The following HESX1 variants were observed in gnomAD, a reference collection of about 807,000 sequenced individuals.
HESX1 encodes HESX homeobox 1.
HESX1 carries 11 observed loss-of-function variants against 22.5 expected under a neutral mutation model. That is an observed-to-expected ratio of 0.49 (90% CI 0.31 to 0.81). The LOEUF (loss-of-function observed/expected upper bound fraction) is 0.81, where lower values mean the gene tolerates loss of function less well. Among genes scored for constraint, HESX1 ranks in the 30% least tolerant of loss-of-function variants. HESX1 has a pLI of 0.05. For synonymous variants in HESX1, 74 were observed against 76.5 expected, an observed-to-expected ratio of 0.97 and a Z score of 0.17; for missense variants, 201 against 212.6, an observed-to-expected ratio of 0.95 and a Z score of 0.34.
At chr3:57,227,544 C>G (rs935826598), upstream of HESX1, among the ~76,000 whole-genome samples, 41 of 152,252 alleles carry the variant, frequency 2.7e-4, 1 homozygote, top group Non-Finnish European at 1.5e-4. Flanking sequence ...CAAACGCGCG[C>G]GTGCAGGGAA....
chr3:57,198,861 T>C lies in HESX1; in HGVS notation c.249A>G (p.Arg83=). The change falls in exon 2 of 4, where the codon AGA becomes AGG. Residue 83 remains arginine (R), a synonymous_variant. Transcript: ENST00000295934. ...AAAAGTAATTTTCATATTTCGAAGC[T>C]CTTTCTTCTGGCATTGGGTGATCCA... ...SVVDHPMPEE[R]ASKYENYFSA... is the part of the protein sequence containing the mutation. 1 of 1,614,162 alleles carries C rather than the reference T, an allele frequency of 6.2e-7. No individual in the cohort carries two copies. Among genetic ancestry groups the C allele is most frequent in the Non-Finnish European group, 8.5e-7 (1 of 1,180,014 alleles).
chr3:57,209,521 C>T (rs927284389), intron 1 of HESX1, among the ~76,000 whole-genome samples: 1 of 151,670 alleles, frequency 6.6e-6, no homozygotes, highest in Non-Finnish European at 1.5e-5. Context: ...CTTGTAGTAC[C>T]ATCTACTTGG....
At chr3:57,213,689 G>T (rs2060568392) in intron 1 of HESX1, among the ~76,000 whole-genome samples, 2 of 152,216 alleles carry the variant, frequency 1.3e-5, no homozygotes, top group Admixed American at 1.3e-4. Flanking sequence ...CACTTTGGGA[G>T]GTCGAGGCAG....
chr3:57,208,423 T>C (rs1363305951), intron 1 of HESX1, among the ~76,000 whole-genome samples: 1 of 152,084 alleles, frequency 6.6e-6, no homozygotes, highest in Non-Finnish European at 1.5e-5. Flanking sequence ...CTCAACTCAC[T>C]GCAGCCTCTG....
At chr3:57,201,379 T>TG (rs1178950826), upstream of HESX1, among the ~76,000 whole-genome samples, 1 of 151,822 alleles carries the variant, frequency 6.6e-6, no homozygotes, top group Non-Finnish European at 1.5e-5. Context: ...TGTGCAAAGG[T>TG]GGGGGGTATC....
chr3:57,207,132 A>G (rs2060524273), intron 1 of HESX1, among the ~76,000 whole-genome samples: 1 of 152,096 alleles, frequency 6.6e-6, no homozygotes, highest in Non-Finnish European at 1.5e-5. Context: ...TATTTTTAGT[A>G]GAGATGTGGT....
In HESX1 at chr3:57,199,939, G is replaced by GCAA; in HGVS notation, c.-24_-22dup. 6.2e-7 allele frequency: 1 copy of GCAA among 1,612,876 alleles called. No homozygotes were observed. Among genetic ancestry groups the GCAA allele is most frequent in the Non-Finnish European group, 8.5e-7 (1 of 1,179,306 alleles). ...GACATCCTCTCGTGGTCTGCACAGA[G>GCAA]CAACAGCTCTGGCCTCTGCTGGCTC... On this transcript the variant is annotated 5_prime_UTR_variant, in exon 1 of 4. Transcript: ENST00000295934.
intron 1 of HESX1, among the ~76,000 whole-genome samples, chr3:57,225,059 A>C (rs1442439987): frequency 6.6e-6 from 1 of 152,224 alleles, no homozygotes; most frequent in Non-Finnish European, 1.5e-5. Flanking sequence ...GTATGAAAGA[A>C]AACTGGCTTA....
intron 1 of HESX1, among the ~76,000 whole-genome samples, chr3:57,211,650 T>C (rs1169394352): frequency 1.3e-5 from 2 of 149,324 alleles, no homozygotes; most frequent in East Asian, 4.0e-4. Context: ...CTGGCCAACA[T>C]GGTGAAACCC....
intron 1 of HESX1, among the ~76,000 whole-genome samples, chr3:57,208,467 C>T (rs2060532786): frequency 6.6e-6 from 1 of 151,916 alleles, no homozygotes; most frequent in Non-Finnish European, 1.5e-5. Context: ...CTGCCTCAGC[C>T]TCCCTAGCAG....
rs2060472755 is a variant in HESX1, at chr3:57,199,708, T to TTTCA, written c.157+53_157+54insTGAA. 3 of 1,548,662 alleles carry TTTCA rather than the reference T, an allele frequency of 1.9e-6. No individual in the cohort carries two copies. The African/African-American group carries it at 4.1e-5, about 21-fold the overall frequency. ...TATGTAGTATGAAATAAAGGGCAAA[T>TTTCA]TAAACACTGTAAATGAAATAACAAA... On this transcript the variant is annotated intron_variant, in intron 1 of 3. Coordinates refer to ENST00000295934, the MANE Select transcript of HESX1 (RefSeq NM_003865.3).
At chr3:57,213,470 G>A (rs2060566984) in intron 1 of HESX1, among the ~76,000 whole-genome samples, 1 of 152,134 alleles carries the variant, frequency 6.6e-6, no homozygotes, top group Non-Finnish European at 1.5e-5. Context: ...AACATTCAAA[G>A]ATAAAATGGT....
chr3:57,212,734 C>T (rs541455192), intron 1 of HESX1, among the ~76,000 whole-genome samples: 46 of 152,218 alleles, frequency 3.0e-4, no homozygotes, highest in African/African-American at 1.0e-3. Context: ...AACAATGTAG[C>T]GTTTCTCCTG....
upstream of HESX1, among the ~76,000 whole-genome samples, chr3:57,201,401 C>T (rs745600295): frequency 6.6e-6 from 1 of 151,836 alleles, no homozygotes; most frequent in Non-Finnish European, 1.5e-5. Flanking sequence ...TAATCTGGGA[C>T]GACTAGGAGG....
chr3:57,207,653 G>A (rs924669201), intron 1 of HESX1, among the ~76,000 whole-genome samples: 2 of 152,050 alleles, frequency 1.3e-5, no homozygotes, highest in Non-Finnish European at 2.9e-5. Flanking sequence ...ATTCAGATAT[G>A]GGAGTTAACA....
Position 57,199,928 on chromosome 3 carries a change from G to A in HESX1, c.-10C>T, listed in dbSNP as rs903371208. The A allele has an allele frequency of 3.1e-6, 5 of 1,613,504 alleles. No individual in the cohort carries two copies. The highest frequency in any genetic ancestry group is 4.2e-6 in the Non-Finnish European group (5 of 1,179,738). On this transcript the variant is annotated 5_prime_UTR_variant, in exon 1 of 4. Transcript: ENST00000295934. ...GAAGGCTGGGAGACATCCTCTCGTG[G>A]TCTGCACAGAGCAACAGCTCTGGCC... is the stretch of plus-strand genomic sequence containing the variant.
At chr3:57,203,841 T>A (rs1253187843), upstream of HESX1, among the ~76,000 whole-genome samples, 2 of 151,838 alleles carry the variant, frequency 1.3e-5, no homozygotes, top group Non-Finnish European at 2.9e-5. Context: ...GGCGTGTAAT[T>A]TGTATTTTCA....
chr3:57,213,692 C>T (rs1243921758), intron 1 of HESX1, among the ~76,000 whole-genome samples: 2 of 152,198 alleles, frequency 1.3e-5, no homozygotes, highest in East Asian at 1.9e-4. Flanking sequence ...TTTGGGAGGT[C>T]GAGGCAGGCG....
intron 1 of HESX1, among the ~76,000 whole-genome samples, chr3:57,218,171 G>A (rs1163255474): frequency 6.6e-6 from 1 of 152,084 alleles, no homozygotes; most frequent in Non-Finnish European, 1.5e-5. Context: ...CCTGTGTCAT[G>A]GGGGTTTCTT....
Sources: gnomAD v4.1 joint callset for allele counts (sites outside exome capture counted in the v4.1 genomes callset) on GRCh38, gnomAD v4.1.1 for gene constraint, MANE v1.5 for transcripts, NCBI Gene and HGNC (gene_info 2026-07-23, HGNC 2026-07-21) for gene names.